REDIC1: variants seen among roughly 807,000 people sequenced by gnomAD.
The protein encoded by REDIC1 is HEI10 Interacting Protein 1.
the REDIC1 span, among the ~76,000 whole-genome samples, chr12:39,815,255 A>C: frequency 1.3e-5 from 2 of 152,240 alleles, no homozygotes; most frequent in African/African-American, 4.8e-5. Flanking sequence ...ATGAATCAAA[A>C]ATAGAAAAAG....
At chr12:39,722,906 C>G in the REDIC1 span, among the ~76,000 whole-genome samples, 1 of 152,056 alleles carries the variant, frequency 6.6e-6, no homozygotes, top group African/African-American at 2.4e-5. Flanking sequence ...GAAGCTTGGC[C>G]CAATTTAGAT....
At chr12:39,821,096 T>C in the REDIC1 span, among the ~76,000 whole-genome samples, 1 of 152,102 alleles carries the variant, frequency 6.6e-6, no homozygotes, top group Non-Finnish European at 1.5e-5. Context: ...ATTTGTTCAA[T>C]GGTTTTCTTT....
the REDIC1 span, among the ~76,000 whole-genome samples, chr12:39,669,743 T>TCCG: frequency 6.6e-6 from 1 of 152,206 alleles, no homozygotes; most frequent in Non-Finnish European, 1.5e-5. Flanking sequence ...TACTTAAGCC[T>TCCG]CCGCCGTGGT....
the REDIC1 span, among the ~76,000 whole-genome samples, chr12:39,694,410 C>T: frequency 1.4e-5 from 2 of 140,614 alleles, no homozygotes; most frequent in African/African-American, 2.4e-5. Flanking sequence ...CGACATGGTG[C>T]GGAGAGTGAT....
chr12:39,660,634 C>A, the REDIC1 span, among the ~76,000 whole-genome samples: 2 of 152,006 alleles, frequency 1.3e-5, no homozygotes, highest in Non-Finnish European at 2.9e-5. Flanking sequence ...TCACCACAAC[C>A]ATTGATAATT....
chr12:39,708,367 T>A, the REDIC1 span, among the ~76,000 whole-genome samples: 1 of 151,878 alleles, frequency 6.6e-6, no homozygotes, highest in Non-Finnish European at 1.5e-5. Flanking sequence ...TAGTTTAATA[T>A]TGGTTTTTGA....
chr12:39,806,169 G>GA, the REDIC1 span, among the ~76,000 whole-genome samples: 1 of 152,000 alleles, frequency 6.6e-6, no homozygotes, highest in Admixed American at 6.5e-5. Flanking sequence ...TAAAAATTAA[G>GA]AAAAAAATCG....
the REDIC1 span, among the ~76,000 whole-genome samples, chr12:39,836,109 G>A: frequency 5.3e-5 from 8 of 152,102 alleles, no homozygotes; most frequent in African/African-American, 1.9e-4. Flanking sequence ...ATCACAGCCT[G>A]CAAAATTTCA....
At chr12:39,780,195 T>G in the REDIC1 span, among the ~76,000 whole-genome samples, 1 of 148,240 alleles carries the variant, frequency 6.7e-6, no homozygotes, top group South Asian at 2.3e-4. Flanking sequence ...ATTATTCCCA[T>G]TTTGCATATA....
At chr12:39,831,692 A>G in the REDIC1 span, among the ~76,000 whole-genome samples, 1 of 152,178 alleles carries the variant, frequency 6.6e-6, no homozygotes, top group South Asian at 2.1e-4. Flanking sequence ...GTTTAGTGCC[A>G]TCCCCTTGGT....
At chr12:39,839,319 A>C in the REDIC1 span, among the ~76,000 whole-genome samples, 2 of 151,968 alleles carry the variant, frequency 1.3e-5, no homozygotes, top group Non-Finnish European at 2.9e-5. Context: ...ATGTCGGTTG[A>C]TTTCCTCTCC....
chr12:39,658,471 T>G, the REDIC1 span, among the ~76,000 whole-genome samples: 1 of 152,200 alleles, frequency 6.6e-6, no homozygotes, highest in African/African-American at 2.4e-5. Flanking sequence ...TCCCAGAAAC[T>G]AAGACTTTCC....
At chr12:39,740,586 TC>T in the REDIC1 span, among the ~76,000 whole-genome samples, 2,102 of 152,274 alleles carry the variant, frequency 0.014, 45 homozygotes, top group African/African-American at 0.047. Context: ...CATCTTGGGA[TC>T]ACTTGCAAGG....
the REDIC1 span, among the ~76,000 whole-genome samples, chr12:39,666,836 T>A: frequency 6.6e-6 from 1 of 152,234 alleles, no homozygotes. Flanking sequence ...TCTTCTAGAT[T>A]TTCTAGTTTA....
the REDIC1 span, among the ~76,000 whole-genome samples, chr12:39,712,858 TATATACACG>T: frequency 2.1e-4 from 3 of 13,984 alleles, no homozygotes; most frequent in Non-Finnish European, 1.1e-3. Context: ...TACACATATG[TATATACACG>T]TATATACACG....
chr12:39,702,146 T>C, the REDIC1 span, among the ~76,000 whole-genome samples: 2 of 152,022 alleles, frequency 1.3e-5, no homozygotes, highest in Non-Finnish European at 2.9e-5. Flanking sequence ...TTAATGAATT[T>C]GGGAGCTGGT....
the REDIC1 span, among the ~76,000 whole-genome samples, chr12:39,733,867 G>C: frequency 6.6e-6 from 1 of 152,162 alleles, no homozygotes; most frequent in Non-Finnish European, 1.5e-5. Context: ...GCTGAACTAG[G>C]CTACTTAGCT....
the REDIC1 span, among the ~76,000 whole-genome samples, chr12:39,700,691 G>C: frequency 6.6e-6 from 1 of 151,896 alleles, no homozygotes; most frequent in Non-Finnish European, 1.5e-5. Flanking sequence ...AGAGAGAAAG[G>C]TCGGGTTACC....
the REDIC1 span, among the ~76,000 whole-genome samples, chr12:39,692,747 A>G: frequency 3.2e-4 from 48 of 152,018 alleles, no homozygotes; most frequent in Non-Finnish European, 5.6e-4. Context: ...TGCTACTTGG[A>G]GTATTGTTGA....
Sources: gnomAD v4.1 joint callset for allele counts (sites outside exome capture counted in the v4.1 genomes callset) on GRCh38, gnomAD v4.1.1 for gene constraint, MANE v1.5 for transcripts, NCBI Gene and HGNC (gene_info 2026-07-23, HGNC 2026-07-21) for gene names.